DMRT1: variants seen among roughly 807,000 people sequenced by gnomAD.
The protein encoded by DMRT1 is doublesex and mab-3 related transcription factor 1, also known as doublesex- and mab-3-related transcription factor 1.
In DMRT1, 7 loss-of-function variants were observed where a neutral mutation model predicts 32.3. That is an observed-to-expected ratio of 0.22 (90% CI 0.12 to 0.41). DMRT1 has a LOEUF of 0.41. DMRT1 is among the 10% of genes least tolerant of loss of function. DMRT1 has a pLI of 1.00. For missense variants in DMRT1, 625 were observed against 500.5 expected, an observed-to-expected ratio of 1.25 and a Z score of -2.37; for synonymous variants, 278 against 206.1, an observed-to-expected ratio of 1.35 and a Z score of -2.99.
chr9:912,354 C>G (rs1230266979), intron 3 of DMRT1, among the ~76,000 whole-genome samples: 1 of 152,194 alleles, frequency 6.6e-6, no homozygotes, highest in Non-Finnish European at 1.5e-5. Context: ...TTCTAGTAAC[C>G]TCAAATGGAG....
At chr9:930,375 G>C (rs1818671306) in intron 4 of DMRT1, among the ~76,000 whole-genome samples, 1 of 151,848 alleles carries the variant, frequency 6.6e-6, no homozygotes, top group South Asian at 2.1e-4. Context: ...TAGGACTACA[G>C]GTGTGCACCA....
intron 2 of DMRT1, among the ~76,000 whole-genome samples, chr9:848,611 T>C (rs1047924024): frequency 1.4e-5 from 2 of 145,806 alleles, no homozygotes; most frequent in African/African-American, 2.5e-5. Flanking sequence ...TGGAGTGCAG[T>C]GGTGTGATCT....
intron 3 of DMRT1, among the ~76,000 whole-genome samples, chr9:902,269 G>C (rs1004947773): frequency 1.3e-5 from 2 of 151,110 alleles, no homozygotes; most frequent in East Asian, 3.9e-4. Context: ...TTTTGTTAAT[G>C]CTCTTATTCA....
intron 2 of DMRT1, among the ~76,000 whole-genome samples, chr9:866,982 T>G (rs2099913268): frequency 6.6e-6 from 1 of 152,134 alleles, no homozygotes; most frequent in Non-Finnish European, 1.5e-5. Flanking sequence ...CACCTGGGGT[T>G]TGTTTTTTTC....
intron 3 of DMRT1, among the ~76,000 whole-genome samples, chr9:899,448 C>G (rs1817490457): frequency 6.6e-6 from 1 of 152,208 alleles, no homozygotes; most frequent in Non-Finnish European, 1.5e-5. Flanking sequence ...AGTCTCCTAG[C>G]TCGGCATTCC....
chr9:901,195 T>G (rs1189380998), intron 3 of DMRT1, among the ~76,000 whole-genome samples: 1 of 152,064 alleles, frequency 6.6e-6, no homozygotes, highest in African/African-American at 2.4e-5. Flanking sequence ...CTGTACTTTT[T>G]GTAGAGATGG....
At chr9:967,773 A>G (rs1185479474) in intron 4 of DMRT1, among the ~76,000 whole-genome samples, 2 of 152,242 alleles carry the variant, frequency 1.3e-5, no homozygotes, top group African/African-American at 4.8e-5. Flanking sequence ...TTCGTTAAAT[A>G]GGTATACTGT....
chr9:855,133 T>G (rs1324199688), intron 2 of DMRT1, among the ~76,000 whole-genome samples: 1 of 152,006 alleles, frequency 6.6e-6, no homozygotes, highest in Non-Finnish European at 1.5e-5. Context: ...AGGGATAGTC[T>G]TTGCTTATAT....
chr9:896,685 C>T lies in DMRT1; in HGVS notation c.822+2490C>T, dbSNP rs148577373. Among the ~76,000 whole-genome samples the T allele has an allele frequency of 7.2e-3, 1,100 of 151,936 alleles. 6 individuals carry two copies. Among genetic ancestry groups the T allele is most frequent in the South Asian group, 0.016 (79 of 4,810 alleles). On this transcript the variant is annotated intron_variant, in intron 3 of 4. Coordinates refer to ENST00000382276, the MANE Select transcript of DMRT1 (RefSeq NM_021951.3). ...AAAATTAACTGGGCATGGTGGCGCA[C>T]GCCTGTAATTCCAGCTACTCAGAAG...
At chr9:879,159 GGCTGTTAAGAT>G (rs1285399210) in intron 2 of DMRT1, among the ~76,000 whole-genome samples, 1 of 152,048 alleles carries the variant, frequency 6.6e-6, no homozygotes, top group Non-Finnish European at 1.5e-5. Flanking sequence ...AAAAGACAGG[GGCTGTTAAGAT>G]GGAAGTTCTC....
At position 841,962 on chromosome 9, in the gene DMRT1, G is replaced by A. The variant is rs776039094; in HGVS notation, c.124G>A (p.Ala42Thr). The stretch of plus-strand genomic sequence containing the variant: ...AGCGTCTGGGGCGCTAGTGGGGGCG[G>A]CCAGCGGCTCGAGCGCCGGGGGCAG... ...GKASGALVGA[A>T]SGSSAGGSSR... Residue 42 changes from alanine to threonine, a missense_variant, in exon 1 of 5, where the codon GCC (alanine) becomes ACC (threonine). By Grantham distance (58) the Ala-to-Thr change is moderately conservative. Coordinates refer to ENST00000382276, the MANE Select transcript of DMRT1 (RefSeq NM_021951.3). The A allele has an allele frequency of 7.5e-6, 12 of 1,592,642 alleles. No individual in the cohort carries two copies. Among genetic ancestry groups the A allele is most frequent in the Non-Finnish European group, 9.4e-6 (11 of 1,170,336 alleles).
At chr9:915,967 T>C (rs1050627565) in intron 3 of DMRT1, among the ~76,000 whole-genome samples, 1 of 152,130 alleles carries the variant, frequency 6.6e-6, no homozygotes, top group Non-Finnish European at 1.5e-5. Flanking sequence ...TTTCCTGACC[T>C]TGTGATCTGC....
At chr9:930,452 C>A (rs1022898975) in intron 4 of DMRT1, among the ~76,000 whole-genome samples, 11 of 151,822 alleles carry the variant, frequency 7.2e-5, no homozygotes, top group Admixed American at 2.6e-4. Flanking sequence ...CGCTCTGTCG[C>A]CCAGGCTGGA....
chr9:954,737 G>T (rs1040914354), intron 4 of DMRT1, among the ~76,000 whole-genome samples: 14 of 152,248 alleles, frequency 9.2e-5, no homozygotes, highest in Admixed American at 5.9e-4. Flanking sequence ...TGCCTCCCAG[G>T]TTCAAGCAAT....
At chr9:891,646 C>G (rs560041399) in intron 2 of DMRT1, among the ~76,000 whole-genome samples, 3 of 151,612 alleles carry the variant, frequency 2.0e-5, no homozygotes, top group African/African-American at 7.3e-5. Flanking sequence ...TCCCAAGTAG[C>G]TGGGACTGCA....
chr9:904,475 G>C (rs892516190), intron 3 of DMRT1, among the ~76,000 whole-genome samples: 3 of 152,130 alleles, frequency 2.0e-5, no homozygotes, highest in African/African-American at 7.2e-5. Context: ...AATAGAAATA[G>C]GATAGAAAAA....
In DMRT1 at chr9:968,171, G is replaced by C; in HGVS notation, c.*32G>C. 1 of 1,612,912 alleles carries C rather than the reference G, an allele frequency of 6.2e-7. No individual in the cohort carries two copies. Among genetic ancestry groups the C allele is most frequent in the South Asian group, 1.1e-5 (1 of 90,946 alleles). On this transcript the variant is annotated 3_prime_UTR_variant, in exon 5 of 5. Coordinates refer to ENST00000382276, the MANE Select transcript of DMRT1 (RefSeq NM_021951.3). ...CCTGCTGCCGATGGCGGTTCACTTG[G>C]AGTAACAGGCTTATTCCACTTTCCA...
intron 4 of DMRT1, among the ~76,000 whole-genome samples, chr9:917,728 C>A (rs1205395085): frequency 3.3e-5 from 5 of 152,170 alleles, no homozygotes; most frequent in Non-Finnish European, 7.3e-5. Flanking sequence ...CTTTAGAGAA[C>A]TTAGAGAATG....
At chr9:933,867 T>A (rs182144570) in intron 4 of DMRT1, among the ~76,000 whole-genome samples, 1 of 152,318 alleles carries the variant, frequency 6.6e-6, no homozygotes, top group East Asian at 1.9e-4. Context: ...AAGTCCCATA[T>A]GCTCACAAAC....
Sources: allele counts gnomAD v4.1 joint callset (sites outside exome capture counted in the v4.1 genomes callset), GRCh38; gene constraint gnomAD v4.1.1; transcripts MANE v1.5; gene names NCBI Gene and HGNC (gene_info 2026-07-23, HGNC 2026-07-21).